The following HMGA2 variants were observed in gnomAD, a reference collection of about 807,000 sequenced individuals.
HMGA2 encodes high mobility group AT-hook 2.
HMGA2 carries 8 observed loss-of-function variants against 19.1 expected under a neutral mutation model. The ratio of observed to expected loss-of-function variants is 0.42; its 90% CI spans 0.25 to 0.76. The LOEUF (loss-of-function observed/expected upper bound fraction) is 0.76, where lower values mean the gene tolerates loss of function less well. HMGA2 is among the 30% of genes least tolerant of loss of function. The pLI is 0.28. For synonymous variants in HMGA2, 60 were observed against 48.8 expected, an observed-to-expected ratio of 1.23 and a Z score of -0.96; for missense variants, 109 against 136.3, an observed-to-expected ratio of 0.80 and a Z score of 1.00.
intron 3 of HMGA2, among the ~76,000 whole-genome samples, chr12:65,844,391 T>C (rs1012196575): frequency 1.1e-4 from 16 of 152,218 alleles, no homozygotes; most frequent in Non-Finnish European, 2.2e-4. Context: ...TCCTTTGCAA[T>C]ATTTTATGAT....
intron 4 of HMGA2, chr12:65,958,440 G>A (rs1462871376): frequency 6.6e-6 from 1 of 152,136 alleles, no homozygotes; most frequent in African/African-American, 2.4e-5. Flanking sequence ...AGTTTTCCTA[G>A]TTGGAGGAAA....
intron 3 of HMGA2, among the ~76,000 whole-genome samples, chr12:65,854,507 G>A (rs1173045402): frequency 6.6e-6 from 1 of 152,172 alleles, no homozygotes; most frequent in Non-Finnish European, 1.5e-5. Flanking sequence ...TTGTGTGTGT[G>A]TATGTGTGAG....
In HMGA2 at chr12:65,851,755, T is replaced by C. The variant is rs142613117; in HGVS notation, c.249+13186T>C. 203 of 345,076 alleles carry C rather than the reference T, an allele frequency of 5.9e-4. 2 individuals carry two copies. The Middle Eastern group carries it at 6.6e-3, about 11-fold the overall frequency. 21.4% of individuals were successfully genotyped at this position (345,076 alleles called of 1,614,324 possible). A position where few individuals can be genotyped will look rare whatever the true frequency, so the allele number is the denominator to read the frequency against. ...CCACAATAACATTCCCAAGTCTTTC[T>C]CACTATGTCCTGTTTTTCTAACCCA... On this transcript the variant is annotated intron_variant, in intron 3 of 4. Transcript: ENST00000403681.
chr12:65,952,481 C>G, intron 4 of HMGA2: 1 of 1,527,576 alleles, frequency 6.5e-7, no homozygotes, highest in South Asian at 1.2e-5. Flanking sequence ...AAAGTGTCTT[C>G]AAACAATTAC....
At chr12:65,902,051 C>T (rs745333875) in intron 3 of HMGA2, among the ~76,000 whole-genome samples, 7 of 152,124 alleles carry the variant, frequency 4.6e-5, no homozygotes, top group African/African-American at 7.2e-5. Flanking sequence ...CTCTGAGAAA[C>T]GACTATGTAG....
chr12:65,951,555 T>A (rs1876461563), intron 4 of HMGA2, 140 bp downstream of exon 4: 1 of 651,600 alleles, frequency 1.5e-6, no homozygotes, highest in South Asian at 2.0e-5. Context: ...AAATGTGTTG[T>A]AGCCTTCAAA....
Position 65,963,657 on chromosome 12 carries a change from T to A in HMGA2, c.*365T>A. ...GTGAGAAAAACCGAATTGGGTTTAG[T>A]CAATCACTGCACTGCATGCAAACAA... is the stretch of plus-strand genomic sequence containing the variant. On this transcript the variant is annotated 3_prime_UTR_variant, in exon 5 of 5. Coordinates refer to ENST00000403681, the MANE Select transcript of HMGA2 (RefSeq NM_003483.6). 1 of 403,994 alleles carries A rather than the reference T, an allele frequency of 2.5e-6. No individual in the cohort carries two copies. The highest frequency in any genetic ancestry group is 4.6e-6 in the Non-Finnish European group (1 of 218,098). 25.0% of individuals were successfully genotyped at this position (403,994 alleles called of 1,614,324 possible).
At chr12:65,836,149 G>A (rs1870709482) in intron 2 of HMGA2, among the ~76,000 whole-genome samples, 1 of 152,054 alleles carries the variant, frequency 6.6e-6, no homozygotes, top group African/African-American at 2.4e-5. Flanking sequence ...TACGAGGTCA[G>A]GAGATCGAGA....
At chr12:65,900,872 T>A (rs1438981415) in intron 3 of HMGA2, among the ~76,000 whole-genome samples, 1 of 152,200 alleles carries the variant, frequency 6.6e-6, no homozygotes, top group African/African-American at 2.4e-5. Context: ...AACATAGCCC[T>A]TACTAAAAAT....
chr12:65,847,756 A>T (rs1313836125), intron 3 of HMGA2, among the ~76,000 whole-genome samples: 1 of 152,344 alleles, frequency 6.6e-6, no homozygotes, highest in South Asian at 2.1e-4. Context: ...GCATGTGTCA[A>T]GCTCTCAATA....
chr12:65,888,552 C>A (rs1352541340), intron 3 of HMGA2, among the ~76,000 whole-genome samples: 1 of 90,304 alleles, frequency 1.1e-5, no homozygotes, highest in Non-Finnish European at 2.1e-5. Context: ...CCGTGGTGTG[C>A]TCTTTTTTTT....
At chr12:65,893,300 T>C (rs1873992438) in intron 3 of HMGA2, among the ~76,000 whole-genome samples, 1 of 152,188 alleles carries the variant, frequency 6.6e-6, no homozygotes, top group African/African-American at 2.4e-5. Context: ...ACCTAAGGCA[T>C]TTAGTTTCAT....
intron 3 of HMGA2, among the ~76,000 whole-genome samples, chr12:65,877,567 T>C (rs1248752777): frequency 6.6e-6 from 1 of 152,136 alleles, no homozygotes; most frequent in Non-Finnish European, 1.5e-5. Context: ...ACAGCATGCA[T>C]TTTGGGCATG....
chr12:65,951,259 C>T (rs1876449216), intron 3 of HMGA2, 124 bp from the exon 4 acceptor site: 3 of 644,552 alleles, frequency 4.7e-6, no homozygotes, highest in Non-Finnish European at 8.1e-6. Flanking sequence ...TTGGATATAC[C>T]AGTTGAACTT....
intron 3 of HMGA2, among the ~76,000 whole-genome samples, chr12:65,927,851 GTA>G (rs1405380229): frequency 5.4e-5 from 8 of 149,308 alleles, no homozygotes; most frequent in African/African-American, 1.7e-4. Flanking sequence ...GTGTGTGTGT[GTA>G]TATATATTTT....
At chr12:65,929,801 C>T (rs1334254448) in intron 3 of HMGA2, among the ~76,000 whole-genome samples, 2 of 152,114 alleles carry the variant, frequency 1.3e-5, no homozygotes, top group Non-Finnish European at 2.9e-5. Context: ...ATTCAGTTGA[C>T]TCACTGGGGA....
At chr12:65,961,925 T>C (rs1166539538) in intron 4 of HMGA2, among the ~76,000 whole-genome samples, 1 of 152,182 alleles carries the variant, frequency 6.6e-6, no homozygotes, top group Non-Finnish European at 1.5e-5. Context: ...GGTCATATAA[T>C]GCAGACAAGC....
chr12:65,885,258 T>TG (rs1873606235), intron 3 of HMGA2, among the ~76,000 whole-genome samples: 1 of 152,172 alleles, frequency 6.6e-6, no homozygotes, highest in Non-Finnish European at 1.5e-5. Flanking sequence ...CTTTTTTTTC[T>TG]GGTGCCCAAG....
intron 3 of HMGA2, chr12:65,873,668 T>C (rs920383578): frequency 6.6e-6 from 1 of 152,208 alleles, no homozygotes; most frequent in Admixed American, 6.5e-5. Flanking sequence ...TGTAGATACA[T>C]ACATATATTT....
Sources: allele counts gnomAD v4.1 joint callset (sites outside exome capture counted in the v4.1 genomes callset), GRCh38; gene constraint gnomAD v4.1.1; transcripts MANE v1.5; gene names NCBI Gene and HGNC (gene_info 2026-07-23, HGNC 2026-07-21).